GPCPD1: variants seen among roughly 807,000 people sequenced by gnomAD.
The protein encoded by GPCPD1 is glycerophosphocholine phosphodiesterase GPCPD1.
A neutral mutation model predicts 89.2 loss-of-function variants in GPCPD1; 29 were observed. The observed-to-expected ratio is 0.33, with a 90% CI of 0.24 to 0.44. GPCPD1 has a LOEUF of 0.44. GPCPD1 is among the 20% of genes least tolerant of loss of function. The pLI is 1.00. For synonymous variants in GPCPD1, 258 were observed against 266.3 expected, an observed-to-expected ratio of 0.97 and a Z score of 0.30; for missense variants, 594 against 808.9, an observed-to-expected ratio of 0.73 and a Z score of 3.22.
At chr20:5,558,957 C>G in intron 17 of GPCPD1, 138 bp from the exon 18 acceptor site, 2 of 596,344 alleles carry the variant, frequency 3.4e-6, no homozygotes, top group Non-Finnish European at 5.6e-6. Flanking sequence ...AATCCCAACA[C>G]TTTGGGAGGC....
At chr20:5,589,981 T>C (rs1178238611) in intron 4 of GPCPD1, among the ~76,000 whole-genome samples, 31 of 152,174 alleles carry the variant, frequency 2.0e-4, no homozygotes, top group Admixed American at 2.0e-3. Context: ...TTAACAAAAA[T>C]ATTTTTAAAA....
At chr20:5,560,261 G>T (rs1986012625) in intron 16 of GPCPD1, among the ~76,000 whole-genome samples, 185 bp from the exon 17 acceptor site, 1 of 152,216 alleles carries the variant, frequency 6.6e-6, no homozygotes, top group African/African-American at 2.4e-5. Context: ...GCTATTTAGT[G>T]ATGACACAGG....
intron 8 of GPCPD1, among the ~76,000 whole-genome samples, chr20:5,576,581 A>G (rs1469205415): frequency 6.6e-6 from 1 of 152,188 alleles, no homozygotes; most frequent in Non-Finnish European, 1.5e-5. Context: ...TTCTTTGTAC[A>G]TTTTAAAATA....
intron 11 of GPCPD1, among the ~76,000 whole-genome samples, chr20:5,571,802 G>A (rs1330926465): frequency 6.6e-6 from 1 of 152,008 alleles, no homozygotes; most frequent in Non-Finnish European, 1.5e-5. Context: ...TCAGCTACTC[G>A]GGAGGCTGAA....
intron 19 of GPCPD1, among the ~76,000 whole-genome samples, chr20:5,553,339 G>C (rs190266823): frequency 1.3e-5 from 2 of 152,196 alleles, no homozygotes; most frequent in East Asian, 3.9e-4. Flanking sequence ...CCACTGACCA[G>C]CCTCTCCCCT....
At chr20:5,569,943 G>T (rs914220721) in intron 12 of GPCPD1, among the ~76,000 whole-genome samples, 1 of 152,000 alleles carries the variant, frequency 6.6e-6, no homozygotes. Flanking sequence ...CAGCAATAGA[G>T]ACCCTACTCT....
At chr20:5,588,689 G>C (rs1001494428) in intron 4 of GPCPD1, among the ~76,000 whole-genome samples, 1 of 152,084 alleles carries the variant, frequency 6.6e-6, no homozygotes, top group Non-Finnish European at 1.5e-5. Context: ...GCCAGGCATG[G>C]TGGCACACGC....
intron 13 of GPCPD1, 39 bp from the exon 14 acceptor site, chr20:5,566,811 C>A (rs117805765): frequency 7.3e-7 from 1 of 1,377,166 alleles, no homozygotes; most frequent in Non-Finnish European, 1.0e-6. Flanking sequence ...AGAAAGGAAG[C>A]CTTAGCTTAT....
intron 3 of GPCPD1, among the ~76,000 whole-genome samples, chr20:5,593,947 G>A (rs982495742): frequency 1.2e-4 from 19 of 152,300 alleles, no homozygotes; most frequent in African/African-American, 4.6e-4. Flanking sequence ...TTGACTATCC[G>A]TTATTCTAAG....
chr20:5,558,283 T>C lies in GPCPD1; in HGVS notation c.1669-178A>G, dbSNP rs968117857. Among the ~76,000 whole-genome samples the C allele has an allele frequency of 7.7e-4, 117 of 152,154 alleles. 1 individual carries two copies. Among genetic ancestry groups the C allele is most frequent in the Non-Finnish European group, 1.6e-4 (11 of 68,026 alleles). On this transcript the variant is annotated intron_variant, in intron 18 of 19. Transcript: ENST00000379019. ...ATGGACACTTCATACATAAATATATTCACAATATATTAATATATACATAAT... is the reference window on the plus strand; with the variant it reads ...ATGGACACTTCATACATAAATATATCCACAATATATTAATATATACATAAT...
intron 8 of GPCPD1, among the ~76,000 whole-genome samples, chr20:5,577,612 T>C (rs1055006146): frequency 3.3e-5 from 5 of 152,144 alleles, no homozygotes; most frequent in African/African-American, 1.2e-4. Context: ...TTTTTTTAAA[T>C]CCATTCTGAA....
intron 15 of GPCPD1, 148 bp downstream of exon 15, chr20:5,564,869 C>G (rs1986295440): frequency 1.5e-6 from 1 of 650,278 alleles, no homozygotes; most frequent in East Asian, 2.6e-5. Flanking sequence ...CACAAAGTAT[C>G]TTCTCTAAAA....
chr20:5,568,438 T>C (rs1986526077), intron 12 of GPCPD1, among the ~76,000 whole-genome samples: 1 of 152,016 alleles, frequency 6.6e-6, no homozygotes, highest in Non-Finnish European at 1.5e-5. Flanking sequence ...TTTTTTCTAA[T>C]GAAGATGAAT....
Position 5,578,621 on chromosome 20 carries a change from A to G in GPCPD1, c.474-10T>C, listed in dbSNP as rs747369732. 6 of 1,528,462 alleles carry G rather than the reference A, an allele frequency of 3.9e-6. No homozygotes were observed. The highest frequency in any genetic ancestry group is 5.4e-6 in the Non-Finnish European group (6 of 1,102,492). 94.7% of individuals were successfully genotyped at this position (1,528,462 alleles called of 1,614,324 possible). A position where few individuals can be genotyped will look rare whatever the true frequency, so the allele number is the denominator to read the frequency against. ...TAGTGTCAGCTTCACCCTACGTAAT[A>G]AACAAAATAATGAGATGCAAGAAGT... On this transcript the variant is annotated splice_polypyrimidine_tract_variant and intron_variant, in intron 7 of 19. Coordinates refer to ENST00000379019, the MANE Select transcript of GPCPD1 (RefSeq NM_019593.5).
intron 19 of GPCPD1, among the ~76,000 whole-genome samples, chr20:5,555,242 T>C (rs1985689069): frequency 2.0e-5 from 3 of 152,204 alleles, no homozygotes; most frequent in African/African-American, 4.8e-5. Context: ...AATTTAAAGA[T>C]GTACTTACTA....
intron 19 of GPCPD1, among the ~76,000 whole-genome samples, chr20:5,548,068 CT>C (rs538548222): frequency 5.8e-4 from 88 of 152,284 alleles, no homozygotes; most frequent in Non-Finnish European, 1.1e-3. Context: ...CAGCATTGCC[CT>C]TTTGTACCCC....
chr20:5,573,718 C>G (rs960150648), intron 11 of GPCPD1, among the ~76,000 whole-genome samples, 197 bp downstream of exon 11: 26 of 152,010 alleles, frequency 1.7e-4, no homozygotes, highest in Non-Finnish European at 8.8e-5. Flanking sequence ...ATTCCAGGCC[C>G]AGGTGACAGA....
chr20:5,600,894 G>C (rs1297951278), intron 2 of GPCPD1, among the ~76,000 whole-genome samples: 1 of 152,064 alleles, frequency 6.6e-6, no homozygotes, highest in Non-Finnish European at 1.5e-5. Flanking sequence ...GGAGGATGAA[G>C]CAGGAGAATC....
In GPCPD1 at chr20:5,575,312, AAAT is replaced by A. The variant is rs1212111484; in HGVS notation, c.1001+98_1001+100del. The A allele has an allele frequency of 3.6e-6, 3 of 835,790 alleles. No individual in the cohort carries two copies. The African/African-American group carries it at 5.2e-5, about 15-fold the overall frequency. The allele number at this position is 835,790 out of a possible 1,614,324, so 51.8% of individuals were successfully genotyped here. On this transcript the variant is annotated intron_variant, in intron 10 of 19. Transcript: ENST00000379019. ...CCAAATTACACTAAATTCCCTTGGTAAATAATAAAAACATCATTTGACCTTTGC... is the reference window on the plus strand; with the variant it reads ...CCAAATTACACTAAATTCCCTTGGTAAATAAAAACATCATTTGACCTTTGC...
Sources: gnomAD v4.1 joint callset for allele counts (sites outside exome capture counted in the v4.1 genomes callset) on GRCh38, gnomAD v4.1.1 for gene constraint, MANE v1.5 for transcripts, NCBI Gene and HGNC (gene_info 2026-07-23, HGNC 2026-07-21) for gene names.